Variants in SNX29 observed in about 807,000 individuals in gnomAD.
The protein encoded by SNX29 is sorting nexin 29.
A neutral mutation model predicts 102.1 loss-of-function variants in SNX29; 78 were observed. The observed-to-expected ratio is 0.76, with a 90% CI of 0.64 to 0.92. SNX29 has a LOEUF of 0.92. Among genes scored for constraint, SNX29 ranks in the 40% least tolerant of loss-of-function variants. The pLI, the probability that SNX29 is intolerant of heterozygous loss-of-function variation, is 0.00. For missense variants in SNX29, 1,280 were observed against 1,061.7 expected, an observed-to-expected ratio of 1.21 and a Z score of -2.86; for synonymous variants, 580 against 414.5, an observed-to-expected ratio of 1.40 and a Z score of -4.85.
chr16:12,497,613 C>G (rs2088895720), intron 19 of SNX29, among the ~76,000 whole-genome samples: 2 of 152,220 alleles, frequency 1.3e-5, no homozygotes, highest in Non-Finnish European at 1.5e-5. Context: ...GTCTCCTTCT[C>G]TTGTATTTGC....
intron 18 of SNX29, among the ~76,000 whole-genome samples, chr16:12,433,962 G>A (rs2085423212): frequency 6.6e-6 from 1 of 152,170 alleles, no homozygotes; most frequent in Admixed American, 6.5e-5. Flanking sequence ...TTAACTTGCT[G>A]GCCAGAGTAT....
intron 16 of SNX29, among the ~76,000 whole-genome samples, chr16:12,380,817 C>T (rs1283479344): frequency 4.2e-5 from 4 of 95,648 alleles, no homozygotes; most frequent in East Asian, 4.4e-4. Context: ...TCCATCCACC[C>T]GCCATCCATC....
Position 12,051,832 on chromosome 16 carries a change from T to TC in SNX29, c.749-15_749-14insC. 1.3e-6 allele frequency: 2 copies of TC among 1,591,808 alleles called. No homozygotes were observed. Among genetic ancestry groups the TC allele is most frequent in the East Asian group, 4.5e-5 (2 of 44,814 alleles). ...CCTTTTTCTTATACTGTATCTTTTTTTTTTTTTTTGCCAGATGCCAAATGC... is the reference window on the plus strand; with the variant it reads ...CCTTTTTCTTATACTGTATCTTTTTTCTTTTTTTTTGCCAGATGCCAAATGC... On this transcript the variant is annotated splice_polypyrimidine_tract_variant and intron_variant, in intron 7 of 20. Coordinates refer to ENST00000566228, the MANE Select transcript of SNX29 (RefSeq NM_032167.5).
chr16:12,328,828 T>C (rs2081202395), intron 15 of SNX29, among the ~76,000 whole-genome samples: 1 of 152,160 alleles, frequency 6.6e-6, no homozygotes, highest in Non-Finnish European at 1.5e-5. Context: ...GATTGGCTCA[T>C]GTAACAGACA....
intron 19 of SNX29, among the ~76,000 whole-genome samples, chr16:12,478,706 A>T (rs1452186013): frequency 6.6e-6 from 1 of 152,120 alleles, no homozygotes; most frequent in Non-Finnish European, 1.5e-5. Flanking sequence ...TTTGTTTAGG[A>T]AGCAGTTCTC....
intron 11 of SNX29, among the ~76,000 whole-genome samples, chr16:12,109,957 C>T (rs1464225890): frequency 6.6e-6 from 1 of 152,192 alleles, no homozygotes; most frequent in Non-Finnish European, 1.5e-5. Context: ...TCTTGAACTC[C>T]TGCCCTCGTG....
At chr16:12,358,441 C>T (rs529265359) in intron 16 of SNX29, among the ~76,000 whole-genome samples, 2 of 152,214 alleles carry the variant, frequency 1.3e-5, no homozygotes, top group Admixed American at 6.5e-5. Flanking sequence ...ATGTGGTGGG[C>T]GCCTGTAATC....
chr16:12,560,542 G>C (rs1026892215), intron 20 of SNX29, among the ~76,000 whole-genome samples: 1 of 152,034 alleles, frequency 6.6e-6, no homozygotes, highest in African/African-American at 2.4e-5. Flanking sequence ...TTCTATTTCT[G>C]GTTGAAACGT....
intron 14 of SNX29, among the ~76,000 whole-genome samples, chr16:12,214,339 G>C (rs1040831401): frequency 6.6e-6 from 1 of 152,184 alleles, no homozygotes; most frequent in African/African-American, 2.4e-5. Context: ...TTAACTTTTT[G>C]GGGCTGTCTC....
intron 6 of SNX29, among the ~76,000 whole-genome samples, chr16:12,047,389 C>G (rs1418410189): frequency 6.6e-6 from 1 of 152,082 alleles, no homozygotes; most frequent in Admixed American, 6.6e-5. Flanking sequence ...TCTCAAATAT[C>G]TGGGGTTGTT....
At chr16:12,228,052 G>T (rs941314661) in intron 14 of SNX29, among the ~76,000 whole-genome samples, 1 of 152,140 alleles carries the variant, frequency 6.6e-6, no homozygotes, top group East Asian at 1.9e-4. Flanking sequence ...TAGGTAGGAG[G>T]ATCACTTCAG....
chr16:11,986,459 G>T (rs2055631304), intron 1 of SNX29, among the ~76,000 whole-genome samples: 1 of 151,324 alleles, frequency 6.6e-6, no homozygotes, highest in Non-Finnish European at 1.5e-5. Context: ...TACATTCCTG[G>T]CACATTTAAT....
chr16:12,461,819 G>C (rs1340715871), intron 18 of SNX29, among the ~76,000 whole-genome samples: 1 of 150,546 alleles, frequency 6.6e-6, no homozygotes, highest in East Asian at 2.0e-4. Context: ...AGCCGGGCAT[G>C]GTGGCAGGTG....
chr16:12,568,827 C>T lies in SNX29; in HGVS notation c.*198C>T. The T allele has an allele frequency of 1.2e-6, 1 of 809,244 alleles. No individual in the cohort carries two copies. The highest frequency in any genetic ancestry group is 1.9e-6 in the Non-Finnish European group (1 of 532,422). 50.1% of individuals were successfully genotyped at this position (809,244 alleles called of 1,614,324 possible). ...CGCATGATACCGTGACCCGAGAGAC[C>T]AAGGCAGCACCTCGCTGGAGAGACT... On this transcript the variant is annotated 3_prime_UTR_variant, in exon 21 of 21. Transcript: ENST00000566228.
intron 20 of SNX29, among the ~76,000 whole-genome samples, chr16:12,563,635 C>T (rs946888848): frequency 2.9e-4 from 44 of 152,138 alleles, no homozygotes; most frequent in Non-Finnish European, 1.8e-4. Context: ...GTCCTGGCCC[C>T]AGAAGGTAGG....
At chr16:12,499,457 C>T (rs183860675) in intron 19 of SNX29, among the ~76,000 whole-genome samples, 4 of 152,250 alleles carry the variant, frequency 2.6e-5, no homozygotes, top group South Asian at 2.1e-4. Context: ...AAAATGAAGG[C>T]GTCTTGGGGA....
intron 19 of SNX29, among the ~76,000 whole-genome samples, chr16:12,493,909 T>A (rs966573201): frequency 5.3e-5 from 8 of 152,160 alleles, no homozygotes; most frequent in African/African-American, 2.4e-5. Flanking sequence ...TGTTTTTGAT[T>A]CACATTTTCC....
At chr16:12,568,099 T>G (rs777925478) in intron 20 of SNX29, among the ~76,000 whole-genome samples, 2 of 152,226 alleles carry the variant, frequency 1.3e-5, no homozygotes, top group Non-Finnish European at 2.9e-5. Flanking sequence ...TGTGTTTTGC[T>G]ACGCATCTTG....
In SNX29 at chr16:12,570,862, G is replaced by GC. The variant is rs1373407898; in HGVS notation, c.*2235dup. Reference sequence around the variant, plus strand: ...TGGTATTGAACTGGTGGGAGAAACTGCCTCCTACTTTTATAATACTGAATT... The same window carrying GC: ...TGGTATTGAACTGGTGGGAGAAACTGCCCTCCTACTTTTATAATACTGAATT... On this transcript the variant is annotated 3_prime_UTR_variant, in exon 21 of 21. Coordinates refer to ENST00000566228, the MANE Select transcript of SNX29 (RefSeq NM_032167.5). 5 of 231,886 alleles carry GC rather than the reference G, an allele frequency of 2.2e-5. No homozygotes were observed. Among genetic ancestry groups the GC allele is most frequent in the Non-Finnish European group, 4.3e-5 (5 of 117,350 alleles). 14.4% of individuals were successfully genotyped at this position (231,886 alleles called of 1,614,324 possible). A position where few individuals can be genotyped will look rare whatever the true frequency, so the allele number is the denominator to read the frequency against.
Sources: gnomAD v4.1 joint callset for allele counts (sites outside exome capture counted in the v4.1 genomes callset) on GRCh38, gnomAD v4.1.1 for gene constraint, MANE v1.5 for transcripts, NCBI Gene and HGNC (gene_info 2026-07-23, HGNC 2026-07-21) for gene names.